Variants in CENPF observed in about 807,000 individuals in gnomAD.
CENPF encodes centromere protein F.
A neutral mutation model predicts 307.3 loss-of-function variants in CENPF; 214 were observed. The ratio of observed to expected loss-of-function variants is 0.70; its 90% CI spans 0.62 to 0.78. The LOEUF (loss-of-function observed/expected upper bound fraction) is 0.78, where lower values mean the gene tolerates loss of function less well. Ranked by LOEUF, CENPF falls within the 30% of genes least tolerant of loss-of-function variation. The probability of loss-of-function intolerance (pLI) is 0.00; values close to 1 mark genes in which losing one functional copy is unlikely to be tolerated. For missense variants in CENPF, 3,401 were observed against 3,483.9 expected, an observed-to-expected ratio of 0.98 and a Z score of 0.60; for synonymous variants, 1,259 against 1,270.6, an observed-to-expected ratio of 0.99 and a Z score of 0.19.
rs147300870 is a variant in CENPF, at chr1:214,641,182, C to T, written c.2844C>T (p.Ser948=). 51 of 1,605,036 alleles carry T rather than the reference C, an allele frequency of 3.2e-5. No individual in the cohort carries two copies. The highest frequency in any genetic ancestry group is 5.2e-5 in the Admixed American group (3 of 57,702). ...CTCTAAAGGAGCTACAACTTTTATC[C>T]GAAACCCTAAGCTTGGAGAAGAAAG... ...EDSLKELQLL[S]ETLSLEKKEM... Residue 948 remains serine (S), a synonymous_variant, in exon 12 of 20, where the codon TCC becomes TCT. Coordinates refer to ENST00000366955, the MANE Select transcript of CENPF (RefSeq NM_016343.4).
chr1:214,650,481 A>T (rs1182206471), intron 14 of CENPF, among the ~76,000 whole-genome samples: 1 of 152,144 alleles, frequency 6.6e-6, no homozygotes, highest in African/African-American at 2.4e-5. Context: ...CCTAGCCTGG[A>T]GGAACTCTAG....
In CENPF at chr1:214,613,729, T is replaced by G. The variant is rs767772268; in HGVS notation, c.-26T>G. 22 of 1,564,342 alleles carry G rather than the reference T, an allele frequency of 1.4e-5. No individual in the cohort carries two copies. The highest frequency in any genetic ancestry group is 4.0e-5 in the Admixed American group (2 of 50,290). On this transcript the variant is annotated 5_prime_UTR_variant, in exon 2 of 20. Transcript: ENST00000366955. The stretch of plus-strand genomic sequence containing the variant: ...TTCTTTTCAGTTTATTTACAAATGT[T>G]GGAGTAATAAAGAAGGCAGAACAAA...
rs770384587 is a variant in CENPF, at chr1:214,647,158, C to G, written c.7588C>G (p.Gln2530Glu). The G allele has an allele frequency of 1.9e-6, 3 of 1,614,000 alleles. No individual in the cohort carries two copies. The highest frequency in any genetic ancestry group is 8.5e-7 in the Non-Finnish European group (1 of 1,179,962). ...KDEEISRLKN[Q>E]IQDQEQLVSK... The stretch of plus-strand genomic sequence containing the variant: ...TGAAGAAATCAGTAGACTGAAAAAT[C>G]AAATTCAAGACCAAGAGCAGCTTGT... Residue 2530 changes from glutamine to glutamate, a missense_variant, in exon 13 of 20, where the codon CAA becomes GAA. Physicochemically the swap from Gln to Glu is conservative, Grantham distance 29. Coordinates refer to ENST00000366955, the MANE Select transcript of CENPF (RefSeq NM_016343.4).
chr1:214,644,896 G>A lies in CENPF; in HGVS notation c.5326G>A (p.Val1776Ile). 3 of 1,613,964 alleles carry A rather than the reference G, an allele frequency of 1.9e-6. No individual in the cohort carries two copies. Among genetic ancestry groups the A allele is most frequent in the South Asian group, 1.1e-5 (1 of 91,066 alleles). ...AGATATCCATAATCTTCAACTGCGG[G>A]TAAAAGAGACATCAAATGAGAATTT... ...QEDIHNLQLRVKETSNENLRL... is the reference protein window; with the variant it reads ...QEDIHNLQLRIKETSNENLRL... Residue 1776 changes from valine (V) to isoleucine (I), a missense_variant, in exon 13 of 20, where the codon GTA becomes ATA. By Grantham distance (29) the Val-to-Ile change is conservative. Coordinates refer to ENST00000366955, the MANE Select transcript of CENPF (RefSeq NM_016343.4).
chr1:214,644,433 C>A (rs533540676), intron 12 of CENPF, 124 bp from the exon 13 acceptor site: 7 of 861,790 alleles, frequency 8.1e-6, no homozygotes, highest in Non-Finnish European at 1.2e-5. Context: ...GGGAAATTCA[C>A]CACTTTAAGA....
intron 3 of CENPF, among the ~76,000 whole-genome samples, chr1:214,616,358 C>T (rs1465422311): frequency 3.9e-5 from 6 of 152,138 alleles, no homozygotes; most frequent in Admixed American, 2.0e-4. Context: ...AAATTCACCT[C>T]GAATCAGCAG....
At chr1:214,625,223 CT>C (rs936331671) in intron 7 of CENPF, among the ~76,000 whole-genome samples, 3 of 151,220 alleles carry the variant, frequency 2.0e-5, no homozygotes, top group Non-Finnish European at 4.4e-5. Flanking sequence ...CACTATCTGT[CT>C]TTTTTTTTGA....
Position 214,646,802 on chromosome 1 carries a change from T to C in CENPF, c.7232T>C (p.Leu2411Ser). ...AAAGAGCAAGAGCGAATATCTGAAT[T>C]AGAAATAATAAATTCATCATTTGAA... ...LQKEQERISE[L>S]EIINSSFENI... Residue 2411 changes from leucine to serine, a missense_variant, in exon 13 of 20, where the codon TTA becomes TCA. Transcript: ENST00000366955. 1.2e-6 allele frequency: 2 copies of C among 1,610,682 alleles called. No individual in the cohort carries two copies. Among genetic ancestry groups the C allele is most frequent in the Non-Finnish European group, 8.5e-7 (1 of 1,178,914 alleles).
rs577056904 is a variant in CENPF at position 214,605,637 on chromosome 1, C to T, written c.-42+2316C>T. 40 of 1,517,700 alleles carry T rather than the reference C, an allele frequency of 2.6e-5. No individual in the cohort carries two copies. The South Asian group carries it at 4.0e-4, about 15-fold the overall frequency. 94.0% of individuals were successfully genotyped at this position (1,517,700 alleles called of 1,614,324 possible). On this transcript the variant is annotated intron_variant, in intron 1 of 19. Transcript: ENST00000366955. ...GCCGGCGCGGGGTGAGGTCCGGGGG[C>T]TGCCTTATTGCTGAGGTCTGGCCGG... is the stretch of plus-strand genomic sequence containing the variant.
At chr1:214,656,450 C>T (rs745544102) in intron 17 of CENPF, among the ~76,000 whole-genome samples, 5 of 152,148 alleles carry the variant, frequency 3.3e-5, no homozygotes, top group Admixed American at 2.0e-4. Context: ...TCATCAGATC[C>T]TCCATTGCCT....
intron 6 of CENPF, 21 bp from the exon 7 acceptor site, chr1:214,622,058 G>A (rs1657519965): frequency 6.3e-7 from 1 of 1,590,792 alleles, no homozygotes; most frequent in African/African-American, 1.3e-5. Flanking sequence ...ATTGGAGTGT[G>A]ATTTTTGTTT....
rs778433604 is a variant in CENPF at position 214,646,869 on chromosome 1, A to G, written c.7299A>G (p.Lys2433=). The change falls in exon 13 of 20, where the codon AAA becomes AAG. Residue 2433 remains lysine (K), a synonymous_variant. Coordinates refer to ENST00000366955, the MANE Select transcript of CENPF (RefSeq NM_016343.4). ...QEKEQEKVQM[K]EKSSTAMEML... Reference sequence around the variant, plus strand: ...AAGAGCAAGAGAAAGTACAGATGAAAGAAAAATCAAGCACTGCCATGGAGA... The same window carrying G: ...AAGAGCAAGAGAAAGTACAGATGAAGGAAAAATCAAGCACTGCCATGGAGA... The G allele has an allele frequency of 6.2e-7, 1 of 1,613,764 alleles. No individual in the cohort carries two copies. The highest frequency in any genetic ancestry group is 1.1e-5 in the South Asian group (1 of 91,000).
chr1:214,603,500 C>T (rs1656943549), intron 1 of CENPF, 179 bp downstream of exon 1: 2 of 152,272 alleles, frequency 1.3e-5, no homozygotes, highest in Non-Finnish European at 2.9e-5. Flanking sequence ...ACTGGAGAAT[C>T]CGCCCCGGGA....
chr1:214,614,602 T>C, intron 2 of CENPF, among the ~76,000 whole-genome samples: 1 of 152,176 alleles, frequency 6.6e-6, no homozygotes, highest in Admixed American at 6.5e-5. Flanking sequence ...TAGTAAAGAC[T>C]CCCTTTCTAG....
chr1:214,605,623 G>A (rs898730518), intron 1 of CENPF: 189 of 1,459,446 alleles, frequency 1.3e-4, no homozygotes, highest in Non-Finnish European at 1.6e-4. Context: ...CCGGCGCGGG[G>A]TGAGGTCCGG....
In CENPF at chr1:214,644,631, G is replaced by A. The variant is rs763114507; in HGVS notation, c.5061G>A (p.Lys1687=). 6.2e-7 allele frequency: 1 copy of A among 1,613,900 alleles called. No homozygotes were observed. Among genetic ancestry groups the A allele is most frequent in the Non-Finnish European group, 8.5e-7 (1 of 1,179,914 alleles). The change falls in exon 13 of 20, where the codon AAG becomes AAA. Residue 1687 remains lysine, a synonymous_variant. Coordinates refer to ENST00000366955, the MANE Select transcript of CENPF (RefSeq NM_016343.4). The stretch of plus-strand genomic sequence containing the variant: ...CAGAAACTACAGAAAGAACACCAAA[G>A]CATGATGTTCATCAGATTTGTGATA... ...HTSETTERTP[K]HDVHQICDKD...
chr1:214,608,612 G>C, intron 1 of CENPF: 2 of 1,607,372 alleles, frequency 1.2e-6, no homozygotes, highest in East Asian at 4.5e-5. Context: ...TGGCTGTACT[G>C]GAAGTCGGCG....
chr1:214,663,548 T>C, intron 19 of CENPF, 43 bp from the exon 20 acceptor site: 3 of 1,579,252 alleles, frequency 1.9e-6, no homozygotes, highest in Non-Finnish European at 2.6e-6. Flanking sequence ...GTTGTGGAAA[T>C]GTGAATGTGA....
At chr1:214,609,636 A>G (rs1657148092) in intron 1 of CENPF, among the ~76,000 whole-genome samples, 2 of 152,182 alleles carry the variant, frequency 1.3e-5, no homozygotes, top group African/African-American at 4.8e-5. Flanking sequence ...TTTGTTTTAC[A>G]GGTAGACTCA....
Sources: allele counts gnomAD v4.1 joint callset (sites outside exome capture counted in the v4.1 genomes callset), GRCh38; gene constraint gnomAD v4.1.1; transcripts MANE v1.5; gene names NCBI Gene and HGNC (gene_info 2026-07-23, HGNC 2026-07-21).